The following FOXP2 variants were observed in gnomAD, a reference collection of about 807,000 sequenced individuals.
FOXP2 encodes the protein forkhead box protein P2.
Under a neutral mutation model 115.8 loss-of-function variants are expected in FOXP2, and 12 were observed. That is an observed-to-expected ratio of 0.10 (90% CI 0.07 to 0.17). The LOEUF (loss-of-function observed/expected upper bound fraction) is 0.17, where lower values mean the gene tolerates loss of function less well. Ranked by LOEUF, FOXP2 falls within the 10% of genes least tolerant of loss-of-function variation. FOXP2 has a pLI of 1.00. For synonymous variants in FOXP2, 328 were observed against 297.7 expected (o/e 1.10, Z -1.05); for missense variants, 629 against 843.5 (o/e 0.75, Z 3.15).
intron 1 of FOXP2, among the ~76,000 whole-genome samples, chr7:114,419,329 G>A (rs10253544): frequency 2.4e-4 from 37 of 151,898 alleles, no homozygotes; most frequent in African/African-American, 8.7e-4. Context: ...GCAAGTTTAG[G>A]TTTGAAATTT....
At chr7:114,624,310 A>G (rs147049190) in intron 3 of FOXP2, among the ~76,000 whole-genome samples, 1 of 152,072 alleles carries the variant, frequency 6.6e-6, no homozygotes, top group East Asian at 1.9e-4. Context: ...CAAGAAGGCA[A>G]AAGAGTCAGG....
chr7:114,098,330 A>G (rs904226964), intron 1 of FOXP2, among the ~76,000 whole-genome samples: 5 of 152,216 alleles, frequency 3.3e-5, no homozygotes, highest in African/African-American at 1.2e-4. Context: ...TTAAAATTAT[A>G]TTACAAAGCT....
intron 16 of FOXP2, among the ~76,000 whole-genome samples, chr7:114,674,091 T>C (rs1807635166): frequency 6.6e-6 from 1 of 152,238 alleles, no homozygotes; most frequent in African/African-American, 2.4e-5. Context: ...GCTGTCATCA[T>C]TAAGAATGGA....
At chr7:114,602,311 T>C (rs1169695762) in intron 3 of FOXP2, among the ~76,000 whole-genome samples, 1 of 152,004 alleles carries the variant, frequency 6.6e-6, no homozygotes, top group Non-Finnish European at 1.5e-5. Flanking sequence ...GTCTTTTGCT[T>C]ACTGCTTCCA....
At chr7:114,176,272 C>CTTTCTTTT in intron 1 of FOXP2, among the ~76,000 whole-genome samples, 1 of 39,322 alleles carries the variant, frequency 2.5e-5, no homozygotes, top group African/African-American at 7.1e-5. Flanking sequence ...CCCTTTCTTT[C>CTTTCTTTT]TTTCTTTCTT....
At chr7:114,575,795 G>A (rs1801547337) in intron 3 of FOXP2, among the ~76,000 whole-genome samples, 1 of 151,908 alleles carries the variant, frequency 6.6e-6, no homozygotes, top group African/African-American at 2.4e-5. Flanking sequence ...TATTAGCAGA[G>A]AGTAACCTGA....
rs763205601 is a variant in FOXP2 at position 114,102,699 on chromosome 7, C to CAT, written c.-247+14862_-247+14863insTA. ...ACACACATACAAACACCACACACCA[C>CAT]ACACACACACACACACACACACACA... On this transcript the variant is annotated intron_variant, in intron 1 of 19. Transcript: ENST00000635638. Among the ~76,000 whole-genome samples, 854 of 107,534 alleles carry CAT rather than the reference C, an allele frequency of 7.9e-3. 4 individuals carry two copies. Among genetic ancestry groups the CAT allele is most frequent in the Non-Finnish European group, 0.014 (609 of 43,950 alleles). 70.5% of individuals were successfully genotyped at this position (107,534 alleles called of 152,430 possible). A position where few individuals can be genotyped will look rare whatever the true frequency, so the allele number is the denominator to read the frequency against.
intron 2 of FOXP2, among the ~76,000 whole-genome samples, chr7:114,441,533 T>C (rs1794606214): frequency 6.6e-6 from 1 of 152,142 alleles, no homozygotes; most frequent in African/African-American, 2.4e-5. Flanking sequence ...AATCACAGCT[T>C]TAAATACAAT....
chr7:114,121,475 A>G (rs950515829), intron 1 of FOXP2, among the ~76,000 whole-genome samples: 5 of 152,288 alleles, frequency 3.3e-5, no homozygotes, highest in East Asian at 1.9e-4. Context: ...TGAGAAGTCT[A>G]TAGGAAATCT....
At chr7:114,149,924 A>G (rs553635680) in intron 1 of FOXP2, among the ~76,000 whole-genome samples, 34 of 152,196 alleles carry the variant, frequency 2.2e-4, no homozygotes, top group Non-Finnish European at 4.0e-4. Context: ...CTTGACGTAT[A>G]TGGTAAAAAT....
At chr7:114,151,938 TG>T (rs1372304147) in intron 1 of FOXP2, among the ~76,000 whole-genome samples, 3 of 152,012 alleles carry the variant, frequency 2.0e-5, no homozygotes, top group Non-Finnish European at 4.4e-5. Flanking sequence ...GTAATCTCAG[TG>T]GAAAAATGTA....
At chr7:114,264,520 A>G (rs1245848918) in intron 1 of FOXP2, among the ~76,000 whole-genome samples, 4 of 152,124 alleles carry the variant, frequency 2.6e-5, no homozygotes, top group African/African-American at 9.7e-5. Context: ...GCCTTTCCTG[A>G]TCTTCTCCTT....
chr7:114,637,299 C>G (rs766971358), intron 6 of FOXP2, among the ~76,000 whole-genome samples: 2 of 152,134 alleles, frequency 1.3e-5, no homozygotes, highest in Non-Finnish European at 1.5e-5. Context: ...AGCACAAGCC[C>G]AAGTTATCAA....
intron 2 of FOXP2, chr7:114,366,499 A>G (rs1207765579): frequency 2.0e-5 from 3 of 152,188 alleles, no homozygotes; most frequent in Non-Finnish European, 4.4e-5. Context: ...TGTTTTAACT[A>G]AAAAGCCAGT....
chr7:114,158,268 C>G (rs1243864814), upstream of FOXP2, among the ~76,000 whole-genome samples: 1 of 152,052 alleles, frequency 6.6e-6, no homozygotes, highest in Non-Finnish European at 1.5e-5. Context: ...GTTGTCAGGT[C>G]GCAGGCTAGC....
At chr7:114,481,790 A>ATCTG (rs1796552018) in intron 2 of FOXP2, among the ~76,000 whole-genome samples, 1 of 150,666 alleles carries the variant, frequency 6.6e-6, no homozygotes, top group Non-Finnish European at 1.5e-5. Context: ...CTATCTATCT[A>ATCTG]TCTATCTATC....
chr7:114,279,284 A>G (rs1404523591), intron 1 of FOXP2, among the ~76,000 whole-genome samples: 2 of 152,202 alleles, frequency 1.3e-5, no homozygotes, highest in Non-Finnish European at 2.9e-5. Flanking sequence ...AGCTGATAGT[A>G]GAGTAGGACT....
chr7:114,093,780 T>C (rs1306969456), intron 1 of FOXP2, among the ~76,000 whole-genome samples: 1 of 152,092 alleles, frequency 6.6e-6, no homozygotes, highest in Non-Finnish European at 1.5e-5. Flanking sequence ...AAAATCTATA[T>C]TTTAAATTAT....
At position 114,133,230 on chromosome 7, in the gene FOXP2, A is replaced by G. The variant is rs186606026; in HGVS notation, c.-246-29714A>G. ...GGGTTTTGAACTGAAAACTGGCAGG[A>G]TAATACTTCCTTTTTCTGAGATGGG... On this transcript the variant is annotated intron_variant, in intron 1 of 19. Transcript: ENST00000635638. 7.6e-4 allele frequency among the ~76,000 whole-genome samples: 116 copies of G among 152,338 alleles called. 1 individual carries two copies. Among genetic ancestry groups the G allele is most frequent in the Admixed American group, 6.5e-3 (100 of 15,304 alleles).
Sources: gnomAD v4.1 joint callset for allele counts (sites outside exome capture counted in the v4.1 genomes callset) on GRCh38, gnomAD v4.1.1 for gene constraint, MANE v1.5 for transcripts, NCBI Gene and HGNC (gene_info 2026-07-23, HGNC 2026-07-21) for gene names.